Variants in PIAS2 observed in about 807,000 individuals in gnomAD.
The protein encoded by PIAS2 is E3 SUMO-protein ligase PIAS2.
PIAS2 carries 19 observed loss-of-function variants against 69.7 expected under a neutral mutation model. That is an observed-to-expected ratio of 0.27 (90% CI 0.19 to 0.40). PIAS2 has a LOEUF of 0.40. Ranked by LOEUF, PIAS2 falls within the 10% of genes least tolerant of loss-of-function variation. The pLI, the probability that PIAS2 is intolerant of heterozygous loss-of-function variation, is 1.00. For synonymous variants in PIAS2, 261 were observed against 263.2 expected, an observed-to-expected ratio of 0.99 and a Z score of 0.08; for missense variants, 624 against 757.0, an observed-to-expected ratio of 0.82 and a Z score of 2.06.
At position 46,810,611 on chromosome 18, in the gene PIAS2, C is replaced by A. The variant is rs1411800203; in HGVS notation, c.*1822G>T. On this transcript the variant is annotated 3_prime_UTR_variant, in exon 14 of 14. Transcript: ENST00000585916. ...CCCCCAACATCTTTAAAATAAGCAG[C>A]CCCCACAAAGGGATAATCCATTGAA... 6.6e-6 allele frequency: 1 copy of A among 151,916 alleles called. No homozygotes were observed. The highest frequency in any genetic ancestry group is 1.5e-5 in the Non-Finnish European group (1 of 67,998). 9.4% of individuals were successfully genotyped at this position (151,916 alleles called of 1,614,324 possible).
At chr18:46,894,338 G>C (rs1209245191) in intron 1 of PIAS2, among the ~76,000 whole-genome samples, 2 of 152,152 alleles carry the variant, frequency 1.3e-5, no homozygotes, top group Non-Finnish European at 2.9e-5. Flanking sequence ...GGTGAGTAGA[G>C]AGGGTCACCA....
intron 1 of PIAS2, among the ~76,000 whole-genome samples, chr18:46,902,921 C>A (rs1277903954): frequency 6.6e-6 from 1 of 151,984 alleles, no homozygotes; most frequent in African/African-American, 2.4e-5. Flanking sequence ...ACATACATAC[C>A]CAAATAATTT....
At chr18:46,898,943 C>T (rs192369742) in intron 1 of PIAS2, among the ~76,000 whole-genome samples, 11 of 150,122 alleles carry the variant, frequency 7.3e-5, no homozygotes, top group Non-Finnish European at 1.0e-4. Context: ...TGCAGTTAGC[C>T]GAGATTGCAC....
At chr18:46,843,268 T>A (rs900635814) in intron 8 of PIAS2, among the ~76,000 whole-genome samples, 1 of 152,168 alleles carries the variant, frequency 6.6e-6, no homozygotes, top group Admixed American at 6.5e-5. Context: ...TTCTCCCCAT[T>A]TAAAAAACTG....
At chr18:46,816,550 T>A in intron 12 of PIAS2, 1 of 587,338 alleles carries the variant, frequency 1.7e-6, no homozygotes, top group Non-Finnish European at 2.1e-6. Context: ...CAATCATAGG[T>A]AACTGTAGCC....
intron 2 of PIAS2, among the ~76,000 whole-genome samples, chr18:46,885,371 T>A (rs952633749): frequency 1.3e-5 from 2 of 151,718 alleles, no homozygotes; most frequent in Admixed American, 1.3e-4. Flanking sequence ...ACAAAAAAAA[T>A]TAGCTGGGCG....
Position 46,805,857 on chromosome 18 carries a change from T to C in PIAS2, c.*6576A>G, listed in dbSNP as rs1180446320. The C allele has an allele frequency of 1.3e-5, 2 of 152,220 alleles. No homozygotes were observed. The highest frequency in any genetic ancestry group is 1.9e-4 in the East Asian group (1 of 5,192). 9.4% of individuals were successfully genotyped at this position (152,220 alleles called of 1,614,324 possible). A position where few individuals can be genotyped will look rare whatever the true frequency, so the allele number is the denominator to read the frequency against. On this transcript the variant is annotated 3_prime_UTR_variant, in exon 14 of 14. Transcript: ENST00000585916. ...AGGAATGAGCCTCATGGATGCTTCA[T>C]TTCTGAAATCCCATGCTTAACATTC...
At chr18:46,879,568 TAAG>T (rs2051846057) in intron 2 of PIAS2, among the ~76,000 whole-genome samples, 1 of 152,160 alleles carries the variant, frequency 6.6e-6, no homozygotes. Context: ...TGTATACTCA[TAAG>T]AATTAAAAAA....
chr18:46,823,322 A>T (rs2042396971), intron 11 of PIAS2, among the ~76,000 whole-genome samples: 1 of 152,040 alleles, frequency 6.6e-6, no homozygotes, highest in South Asian at 2.1e-4. Flanking sequence ...AAAGCTAATG[A>T]ATGTCTTTTT....
intron 9 of PIAS2, among the ~76,000 whole-genome samples, chr18:46,834,033 T>A (rs1421801312): frequency 2.0e-5 from 3 of 148,474 alleles, no homozygotes; most frequent in East Asian, 2.0e-4. Context: ...TTTTTTTTTT[T>A]ACCATCTCCC....
At chr18:46,896,356 G>C (rs1004972543) in intron 1 of PIAS2, among the ~76,000 whole-genome samples, 3 of 151,640 alleles carry the variant, frequency 2.0e-5, no homozygotes, top group African/African-American at 7.3e-5. Flanking sequence ...TGGTTTCCTA[G>C]AAAAATACAA....
intron 2 of PIAS2, among the ~76,000 whole-genome samples, chr18:46,883,218 CCTTT>C (rs1234784952): frequency 1.3e-5 from 2 of 152,020 alleles, no homozygotes; most frequent in African/African-American, 2.4e-5. Flanking sequence ...AAGGACTGTC[CCTTT>C]CTTATGATTT....
At chr18:46,835,547 T>A (rs2044303291) in intron 9 of PIAS2, among the ~76,000 whole-genome samples, 1 of 152,188 alleles carries the variant, frequency 6.6e-6, no homozygotes, top group African/African-American at 2.4e-5. Flanking sequence ...CCACCTCACG[T>A]TCCTGTGTAG....
chr18:46,914,038 C>T (rs1230178971), intron 1 of PIAS2, among the ~76,000 whole-genome samples: 1 of 152,208 alleles, frequency 6.6e-6, no homozygotes, highest in Non-Finnish European at 1.5e-5. Context: ...GATCTTGTCC[C>T]ACATTAATTC....
chr18:46,890,759 G>T lies in PIAS2; in HGVS notation c.320C>A (p.Thr107Asn), dbSNP rs749268187. ...AVAGIHSLPS[T>N]SVTPHSPSSP... ...GGATGGTGAGTGAGGTGTAACTGAAGTGGAAGGCAACGAGTGGATTCCAGC... is the reference window on the plus strand; with the variant it reads ...GGATGGTGAGTGAGGTGTAACTGAATTGGAAGGCAACGAGTGGATTCCAGC... Residue 107 changes from threonine to asparagine, a missense_variant, in exon 2 of 14, where the codon ACT becomes AAT. This residue lies in a region of PIAS2 where 339 missense variants were observed against 408.8 expected (regional missense o/e 0.83). Transcript: ENST00000585916. The T allele has an allele frequency of 1.2e-6, 2 of 1,614,084 alleles. No homozygotes were observed. The highest frequency in any genetic ancestry group is 2.7e-5 in the African/African-American group (2 of 74,936).
In PIAS2 at chr18:46,806,792, A is replaced by G. The variant is rs1370163051; in HGVS notation, c.*5641T>C. The G allele has an allele frequency of 6.6e-6, 1 of 152,248 alleles. No individual in the cohort carries two copies. The allele number at this position is 152,248 out of a possible 1,614,324, so 9.4% of individuals were successfully genotyped here. On this transcript the variant is annotated 3_prime_UTR_variant, in exon 14 of 14. Coordinates refer to ENST00000585916, the MANE Select transcript of PIAS2 (RefSeq NM_004671.5). ...AAACAGTTTGATGAAGGCCAAAATA[A>G]GAGGCATATGCTATTCTACAACACG...
intron 10 of PIAS2, 102 bp downstream of exon 10, chr18:46,829,632 G>T: frequency 2.0e-6 from 2 of 1,002,652 alleles, no homozygotes; most frequent in Non-Finnish European, 3.0e-6. Flanking sequence ...AAAAGACTGA[G>T]TCAACAAGCT....
rs1271436946 is a variant in PIAS2 at position 46,806,654 on chromosome 18, C to CTT, written c.*5777_*5778dup. ...TACAGGCATGAGCCACCATGCCCAG[C>CTT]TTAAGAATTCTTGATTTTTGGAACC... On this transcript the variant is annotated 3_prime_UTR_variant, in exon 14 of 14. Transcript: ENST00000585916. 6.6e-6 allele frequency: 1 copy of CTT among 152,120 alleles called. No homozygotes were observed. Among genetic ancestry groups the CTT allele is most frequent in the African/African-American group, 2.4e-5 (1 of 41,418 alleles). The allele number at this position is 152,120 out of a possible 1,614,324, so 9.4% of individuals were successfully genotyped here.
intron 5 of PIAS2, among the ~76,000 whole-genome samples, chr18:46,847,240 C>A (rs181536176): frequency 4.6e-5 from 7 of 151,978 alleles, no homozygotes; most frequent in South Asian, 2.1e-4. Flanking sequence ...AAGAAAAAAA[C>A]CAAACTGGGA....
Sources: gnomAD v4.1 joint callset for allele counts (sites outside exome capture counted in the v4.1 genomes callset) on GRCh38, gnomAD v4.1.1 for gene constraint, gnomAD v4.1.1 regional missense constraint, MANE v1.5 for transcripts, NCBI Gene and HGNC (gene_info 2026-07-23, HGNC 2026-07-21) for gene names.